The following ASH1L variants were observed in gnomAD, a reference collection of about 807,000 sequenced individuals.
The protein encoded by ASH1L is histone-lysine N-methyltransferase ASH1L.
ASH1L carries 23 observed loss-of-function variants against 269.0 expected under a neutral mutation model. The ratio of observed to expected loss-of-function variants is 0.09; its 90% confidence interval spans 0.06 to 0.12. The LOEUF is 0.12. ASH1L is among the 10% of genes least tolerant of loss of function. The pLI, the probability that ASH1L is intolerant of heterozygous loss-of-function variation, is 1.00. For synonymous variants in ASH1L, 1,187 were observed against 1,253.5 expected (o/e 0.95, Z 1.12); for missense variants, 2,912 against 3,567.8 (o/e 0.82, Z 4.68).
chr1:155,397,977 A>G (rs1658507570), intron 6 of ASH1L, among the ~76,000 whole-genome samples: 1 of 152,230 alleles, frequency 6.6e-6, no homozygotes, highest in Non-Finnish European at 1.5e-5. Context: ...TTAAACAAGT[A>G]TAAAATTATT....
chr1:155,417,751 G>A (rs1660335633), intron 5 of ASH1L, among the ~76,000 whole-genome samples: 1 of 152,104 alleles, frequency 6.6e-6, no homozygotes, highest in Admixed American at 6.6e-5. Context: ...CTGAGGTCGG[G>A]AGTTCAAGAC....
chr1:155,478,200 A>G lies in ASH1L; in HGVS notation c.4670T>C (p.Val1557Ala). The stretch of plus-strand genomic sequence containing the variant: ...ACTAGATTCTGAAGGCTCTCGGTGG[A>G]CCCACTGTTCCTCTCTGTTTATTAA... ...KSLINREEQW[V>A]HREPSESSPL... The change falls in exon 3 of 28, where the codon GTC becomes GCC. Residue 1557 changes from valine (V) to alanine (A), a missense_variant. Val to Ala is a moderately conservative substitution (Grantham distance 64). Coordinates refer to ENST00000392403, the MANE Select transcript of ASH1L (RefSeq NM_018489.3). This position sits in a 1 kb window ranked among gnomAD's most constrained non-coding sequence, Gnocchi z 4.6. 14 of 1,610,892 alleles carry G rather than the reference A, an allele frequency of 8.7e-6. No individual in the cohort carries two copies. The highest frequency in any genetic ancestry group is 1.2e-5 in the Non-Finnish European group (14 of 1,178,744).
intron 1 of ASH1L, among the ~76,000 whole-genome samples, chr1:155,541,414 G>C (rs1020651528): frequency 2.6e-5 from 4 of 151,982 alleles, no homozygotes. Flanking sequence ...AAAGGTAAAA[G>C]AGTAACCCAT....
intron 10 of ASH1L, 26 bp from the exon 11 acceptor site, chr1:155,371,009 A>G (rs1453550123): frequency 6.2e-7 from 1 of 1,607,850 alleles, no homozygotes; most frequent in Admixed American, 1.7e-5. Flanking sequence ...ATAACTGTAC[A>G]TCAACTTACA....
At chr1:155,439,495 C>T (rs531008684) in intron 4 of ASH1L, among the ~76,000 whole-genome samples, 10 of 152,080 alleles carry the variant, frequency 6.6e-5, no homozygotes, top group African/African-American at 1.2e-4. Flanking sequence ...CTAAGGAATT[C>T]GAGATCAACC....
intron 6 of ASH1L, among the ~76,000 whole-genome samples, chr1:155,409,075 A>G (rs1308285214): frequency 6.6e-6 from 1 of 151,306 alleles, no homozygotes; most frequent in Non-Finnish European, 1.5e-5. Context: ...CCCAGGCTGG[A>G]GTTCAGTGGC....
At chr1:155,527,985 A>C (rs924784255) in intron 1 of ASH1L, among the ~76,000 whole-genome samples, 1 of 152,104 alleles carries the variant, frequency 6.6e-6, no homozygotes, top group East Asian at 1.9e-4. Context: ...ATCTACACTC[A>C]GTTCCCAAAT....
chr1:155,552,370 G>A (rs1671278446), intron 1 of ASH1L, among the ~76,000 whole-genome samples: 1 of 152,132 alleles, frequency 6.6e-6, no homozygotes, highest in Non-Finnish European at 1.5e-5. Context: ...GGAGGCTGAG[G>A]CAGGAGAATT....
intron 4 of ASH1L, among the ~76,000 whole-genome samples, chr1:155,447,717 C>G (rs1021077397): frequency 1.3e-5 from 2 of 152,152 alleles, no homozygotes; most frequent in Non-Finnish European, 2.9e-5. Flanking sequence ...GATTATTAGA[C>G]TTTTACCTAT....
chr1:155,492,854 C>T (rs767676988), intron 2 of ASH1L, among the ~76,000 whole-genome samples: 1 of 151,934 alleles, frequency 6.6e-6, no homozygotes, highest in African/African-American at 2.4e-5. Flanking sequence ...AGACAAGGCC[C>T]GGTTCTGTTG....
rs778627419 is a variant in ASH1L, at chr1:155,481,572, T to C, written c.1298A>G (p.Gln433Arg). 2 of 1,614,080 alleles carry C rather than the reference T, an allele frequency of 1.2e-6. No homozygotes were observed. Among genetic ancestry groups the C allele is most frequent in the Non-Finnish European group, 8.5e-7 (1 of 1,180,032 alleles). ...NLKAEALLPT[Q>R]EPLKASCSTN... is the part of the protein sequence containing the mutation. ...ACTACAAGAAGCCTTAAGCGGTTCC[T>C]GAGTGGGGAGCAGTGCTTCGGCTTT... Residue 433 changes from glutamine to arginine, a missense_variant, in exon 3 of 28, where the codon CAG becomes CGG. Transcript: ENST00000392403.
At chr1:155,420,724 C>A (rs1033750274) in intron 5 of ASH1L, among the ~76,000 whole-genome samples, 1 of 151,766 alleles carries the variant, frequency 6.6e-6, no homozygotes, top group Non-Finnish European at 1.5e-5. Context: ...GTGCCAGGCA[C>A]CTGTAACCTC....
chr1:155,338,484 T>A, intron 26 of ASH1L, 94 bp from the exon 27 acceptor site: 1 of 1,183,306 alleles, frequency 8.5e-7, no homozygotes, highest in Non-Finnish European at 1.2e-6. Flanking sequence ...GATCCTGGAG[T>A]CCAGCAGTTA....
intron 3 of ASH1L, among the ~76,000 whole-genome samples, chr1:155,464,499 G>A (rs1461330212): frequency 6.6e-6 from 1 of 151,260 alleles, no homozygotes; most frequent in Admixed American, 6.6e-5. Flanking sequence ...GCAGGAAGTA[G>A]AAATTATAGG....
At chr1:155,423,362 C>T (rs556132322) in intron 5 of ASH1L, among the ~76,000 whole-genome samples, 5 of 151,896 alleles carry the variant, frequency 3.3e-5, no homozygotes, top group African/African-American at 7.2e-5. Flanking sequence ...AGGCAGATCA[C>T]GAGTTCAGGA....
chr1:155,476,775 G>A (rs1320918782), intron 3 of ASH1L, among the ~76,000 whole-genome samples: 2 of 151,682 alleles, frequency 1.3e-5, no homozygotes, highest in South Asian at 2.1e-4. Flanking sequence ...GGATGGTCTC[G>A]ATCTCTTGAC....
At chr1:155,561,948 G>T in intron 1 of ASH1L, 1 of 499,026 alleles carries the variant, frequency 2.0e-6, no homozygotes, top group Non-Finnish European at 3.6e-6. Context: ...CCGGGAGTCT[G>T]CCTGTCAGGG....
At chr1:155,513,219 G>C (rs1159347282) in intron 2 of ASH1L, among the ~76,000 whole-genome samples, 1 of 152,042 alleles carries the variant, frequency 6.6e-6, no homozygotes, top group Non-Finnish European at 1.5e-5. Flanking sequence ...ATGTAAAATT[G>C]TACAGCCCCT....
chr1:155,549,994 A>T (rs555440199), intron 1 of ASH1L, among the ~76,000 whole-genome samples: 5 of 151,530 alleles, frequency 3.3e-5, no homozygotes, highest in Admixed American at 2.6e-4. Flanking sequence ...TCAACACCAC[A>T]ATCAGCTGTT....
Sources: gnomAD v4.1 joint callset for allele counts (sites outside exome capture counted in the v4.1 genomes callset) on GRCh38, gnomAD v4.1.1 for gene constraint, Gnocchi (gnomAD v3.1) non-coding constraint, MANE v1.5 for transcripts, NCBI Gene and HGNC (gene_info 2026-07-23, HGNC 2026-07-21) for gene names.